The following ATP10D variants were observed in gnomAD, a reference collection of about 807,000 sequenced individuals.
ATP10D encodes ATPase phospholipid transporting 10D (putative).
Under a neutral mutation model 144.8 loss-of-function variants are expected in ATP10D, and 89 were observed. The ratio of observed to expected loss-of-function variants is 0.61; its 90% CI spans 0.52 to 0.73. ATP10D has a LOEUF of 0.73. Ranked by LOEUF, ATP10D falls within the 30% of genes least tolerant of loss-of-function variation. The pLI is 0.00. For missense variants in ATP10D, 1,603 were observed against 1,714.8 expected (o/e 0.93, Z 1.15); for synonymous variants, 571 against 615.1 (o/e 0.93, Z 1.06).
In ATP10D at chr4:47,512,759, C is replaced by T. The variant is rs1560417098; in HGVS notation, c.219C>T (p.Asn73=). The change falls in exon 2 of 23, where the codon AAC becomes AAT. Residue 73 remains asparagine, a synonymous_variant. Coordinates refer to ENST00000273859, the MANE Select transcript of ATP10D (RefSeq NM_020453.4). Reference sequence around the variant, plus strand: ...AGAAGTTCTCCGGAGCCTATGTGAACAATCGAATACGAACAACAAAGTACA... The same window carrying T: ...AGAAGTTCTCCGGAGCCTATGTGAATAATCGAATACGAACAACAAAGTACA... ...EYEKFSGAYV[N]NRIRTTKYTL... 1 of 1,613,954 alleles carries T rather than the reference C, an allele frequency of 6.2e-7. No homozygotes were observed. Among genetic ancestry groups the T allele is most frequent in the East Asian group, 2.2e-5 (1 of 44,884 alleles).
At chr4:47,540,271 TTGC>T (rs1344810325) in intron 9 of ATP10D, among the ~76,000 whole-genome samples, 6 of 152,188 alleles carry the variant, frequency 3.9e-5, no homozygotes, top group African/African-American at 9.7e-5. Context: ...GTGAAGAATA[TTGC>T]TGCTTGGAAA....
chr4:47,539,046 C>T (rs889549353), intron 9 of ATP10D, among the ~76,000 whole-genome samples: 26 of 152,266 alleles, frequency 1.7e-4, no homozygotes, highest in Admixed American at 3.9e-4. Flanking sequence ...GCATCTACCA[C>T]GGGGGACAGG....
At chr4:47,547,171 G>C (rs1050428841) in intron 10 of ATP10D, 1 of 361,872 alleles carries the variant, frequency 2.8e-6, no homozygotes, top group African/African-American at 2.1e-5. Context: ...AAGAATCATG[G>C]CTCACTCTTA....
chr4:47,513,074 G>T (rs749402177), intron 2 of ATP10D, among the ~76,000 whole-genome samples: 2 of 152,176 alleles, frequency 1.3e-5, no homozygotes, highest in Non-Finnish European at 2.9e-5. Flanking sequence ...GTTAGGAAAT[G>T]ACTTGACTGT....
intron 10 of ATP10D, among the ~76,000 whole-genome samples, chr4:47,548,420 A>C (rs1718552022): frequency 6.6e-6 from 1 of 152,168 alleles, no homozygotes; most frequent in South Asian, 2.1e-4. Context: ...CTCTGTTTAC[A>C]CCGTCCCTCC....
chr4:47,591,218 GA>G lies in ATP10D; in HGVS notation c.4120del (p.Arg1374AspfsTer12). On this transcript the variant is annotated frameshift_variant, in exon 23 of 23. Transcript: ENST00000273859. LOFTEE classifies it low-confidence loss of function (END_TRUNC). ...YANQSAGKSG[R>X]RPMPGPSAVF... ...AACCAATCAGCTGGCAAGTCAGGAA[GA>G]AGACCCATGCCTGGCCCTTCTGCTG... The G allele has an allele frequency of 6.2e-7, 1 of 1,613,602 alleles. No individual in the cohort carries two copies. The highest frequency in any genetic ancestry group is 1.3e-5 in the African/African-American group (1 of 75,004).
At chr4:47,505,405 A>G (rs911658368) in intron 1 of ATP10D, among the ~76,000 whole-genome samples, 1 of 152,132 alleles carries the variant, frequency 6.6e-6, no homozygotes, top group Non-Finnish European at 1.5e-5. Context: ...CCCATCCCAG[A>G]CCTGCTAGAT....
chr4:47,563,169 C>G (rs1719412052), intron 14 of ATP10D, among the ~76,000 whole-genome samples: 1 of 152,112 alleles, frequency 6.6e-6, no homozygotes, highest in Non-Finnish European at 1.5e-5. Context: ...AGATTTCACC[C>G]CTACACAATA....
intron 10 of ATP10D, among the ~76,000 whole-genome samples, chr4:47,550,068 G>A (rs755018412): frequency 1.2e-4 from 18 of 151,786 alleles, no homozygotes; most frequent in Non-Finnish European, 2.2e-4. Flanking sequence ...AATGGTGAAC[G>A]CTTAAAATGA....
At chr4:47,486,185 CAT>C (rs1714749824) in intron 1 of ATP10D, among the ~76,000 whole-genome samples, 2 of 152,210 alleles carry the variant, frequency 1.3e-5, no homozygotes, top group South Asian at 4.2e-4. Flanking sequence ...CGTTGTAAAA[CAT>C]GTAGTTTTAA....
chr4:47,503,197 A>G (rs4261969), intron 1 of ATP10D, among the ~76,000 whole-genome samples: 2,368 of 152,194 alleles, frequency 0.016, 84 homozygotes, highest in African/African-American at 0.053. Context: ...GTGAGACTCC[A>G]TCTTAAAAAA....
Position 47,559,036 on chromosome 4 carries a change from CT to C in ATP10D, c.2541+8del. 6.2e-7 allele frequency: 1 copy of C among 1,600,266 alleles called. No individual in the cohort carries two copies. The highest frequency in any genetic ancestry group is 8.6e-7 in the Non-Finnish European group (1 of 1,169,216). ...TTTATGTATAGCAAAGAAGGTGAGACTGCTTAGTGCGCTCCATCTTTTTTGT... is the reference window on the plus strand; with the variant it reads ...TTTATGTATAGCAAAGAAGGTGAGACGCTTAGTGCGCTCCATCTTTTTTGT... On this transcript the variant is annotated splice_region_variant and intron_variant, in intron 13 of 22. Transcript: ENST00000273859.
chr4:47,524,221 C>A (rs981986597), intron 4 of ATP10D, among the ~76,000 whole-genome samples: 5 of 152,070 alleles, frequency 3.3e-5, no homozygotes, highest in African/African-American at 1.2e-4. Context: ...CCACTGCGCT[C>A]GGTCTATTTT....
chr4:47,490,679 G>A (rs1715021834), intron 1 of ATP10D, among the ~76,000 whole-genome samples: 1 of 152,224 alleles, frequency 6.6e-6, no homozygotes, highest in South Asian at 2.1e-4. Flanking sequence ...GAGCCAGCAC[G>A]GGTGGTATAG....
At chr4:47,513,674 A>T (rs549277802) in intron 2 of ATP10D, among the ~76,000 whole-genome samples, 1 of 152,350 alleles carries the variant, frequency 6.6e-6, no homozygotes, top group South Asian at 2.1e-4. Flanking sequence ...TCTGACTTAC[A>T]TGTAACATCT....
intron 5 of ATP10D, 37 bp from the exon 6 acceptor site, chr4:47,535,472 T>G: frequency 1.3e-6 from 2 of 1,490,154 alleles, no homozygotes; most frequent in Non-Finnish European, 1.8e-6. Flanking sequence ...CCACTTTTGC[T>G]GTTTAAAAGT....
intron 1 of ATP10D, among the ~76,000 whole-genome samples, chr4:47,489,493 T>C (rs1714964210): frequency 6.6e-6 from 1 of 152,154 alleles, no homozygotes; most frequent in African/African-American, 2.4e-5. Flanking sequence ...TGATTTGTAT[T>C]TTTCTCATGG....
At chr4:47,490,880 C>G (rs1577601107) in intron 1 of ATP10D, 2 of 387,510 alleles carry the variant, frequency 5.2e-6, no homozygotes, top group Non-Finnish European at 9.6e-6. Flanking sequence ...GATGAGTCGT[C>G]CTTCCTTTTC....
At chr4:47,589,739 A>C (rs957588459) in intron 22 of ATP10D, among the ~76,000 whole-genome samples, 4 of 152,102 alleles carry the variant, frequency 2.6e-5, no homozygotes, top group Non-Finnish European at 5.9e-5. Flanking sequence ...ATGATGTTTT[A>C]TATAGAATTT....
Sources: gnomAD v4.1 joint callset for allele counts (sites outside exome capture counted in the v4.1 genomes callset) on GRCh38, gnomAD v4.1.1 for gene constraint, MANE v1.5 for transcripts, NCBI Gene and HGNC (gene_info 2026-07-23, HGNC 2026-07-21) for gene names.